Variants in OPHN1 observed in about 807,000 individuals in gnomAD.
OPHN1 encodes the protein oligophrenin 1.
A neutral mutation model predicts 60.7 loss-of-function variants in OPHN1; 11 were observed. The observed-to-expected ratio is 0.18, with a 90% CI of 0.11 to 0.30. The LOEUF is 0.30. OPHN1 is among the 10% of genes least tolerant of loss of function. OPHN1 has a pLI of 1.00. For missense variants in OPHN1, 449 were observed against 611.0 expected (o/e 0.73, Z 2.80); for synonymous variants, 226 against 222.6 (o/e 1.02, Z -0.14).
At chrX:68,331,985 G>C (rs1418402126) in intron 2 of OPHN1, among the ~76,000 whole-genome samples, 1 of 109,252 alleles carries the variant, frequency 9.2e-6, no homozygotes, top group Non-Finnish European at 1.9e-5. Context: ...GTGGTGAGCC[G>C]AGATCGCACC....
At chrX:68,210,043 T>C in intron 9 of OPHN1, 110 bp downstream of exon 9, 1 of 792,388 alleles carries the variant, frequency 1.3e-6, no homozygotes, top group Non-Finnish European at 1.9e-6. Context: ...AAGGGAATTT[T>C]AGCTATCAGG....
intron 5 of OPHN1, among the ~76,000 whole-genome samples, chrX:68,260,778 C>A (rs1417061060): frequency 1.8e-5 from 2 of 111,540 alleles, no homozygotes; most frequent in African/African-American, 6.5e-5. Flanking sequence ...CTCTGGTAGC[C>A]ATTGAAACCC....
intron 6 of OPHN1, among the ~76,000 whole-genome samples, chrX:68,216,119 T>C (rs976673293): frequency 9.0e-6 from 1 of 111,484 alleles, no homozygotes; most frequent in Admixed American, 9.6e-5. Flanking sequence ...TTGGAAATAG[T>C]CTGTTGATCC....
At chrX:68,340,769 C>A (rs774682598) in intron 2 of OPHN1, among the ~76,000 whole-genome samples, 1 of 111,071 alleles carries the variant, frequency 9.0e-6, no homozygotes, top group Non-Finnish European at 1.9e-5. Context: ...TTTGGGAGGC[C>A]AAGGTGGGTG....
chrX:68,124,860 C>T (rs755079309), intron 15 of OPHN1, among the ~76,000 whole-genome samples: 73 of 111,109 alleles, frequency 6.6e-4, no homozygotes, highest in African/African-American at 2.1e-3. Flanking sequence ...GTTACCCAGG[C>T]TGGTCTTGAA....
Position 68,307,266 on chromosome X carries a change from G to A in OPHN1, c.155-8170C>T, listed in dbSNP as rs766312318. Among the ~76,000 whole-genome samples, 4 of 106,014 alleles carry A rather than the reference G, an allele frequency of 3.8e-5. No homozygotes were observed. The East Asian group carries it at 8.8e-4, about 23-fold the overall frequency. 92.1% of individuals were successfully genotyped at this position (106,014 alleles called of 115,157 possible). ...AAGAGCAGCCTAGGCAACATTGTGA[G>A]ACCCTGTCTCTACCAAAAAAAAAAT... On this transcript the variant is annotated intron_variant, in intron 2 of 24. Transcript: ENST00000355520.
chrX:68,280,588 G>A (rs2078014983), intron 4 of OPHN1, among the ~76,000 whole-genome samples: 1 of 111,684 alleles, frequency 9.0e-6, no homozygotes, highest in Non-Finnish European at 1.9e-5. Context: ...GGAATAAATA[G>A]CTTTAACAAA....
At position 68,403,630 on chromosome X, in the gene OPHN1, C is replaced by T. The variant is rs188936900; in HGVS notation, c.154+29237G>A. On this transcript the variant is annotated intron_variant, in intron 2 of 24. Coordinates refer to ENST00000355520, the MANE Select transcript of OPHN1 (RefSeq NM_002547.3). ...TAAATCAAAGAGCAATTGTGCCTTT[C>T]GACTTTAAAAAATAAACGTCCCTAT... 4.9e-3 allele frequency among the ~76,000 whole-genome samples: 544 copies of T among 110,223 alleles called. 6 individuals carry two copies. Among genetic ancestry groups the T allele is most frequent in the African/African-American group, 0.017 (522 of 30,322 alleles).
chrX:68,248,723 A>T (rs1455591872), intron 5 of OPHN1, among the ~76,000 whole-genome samples: 1 of 112,407 alleles, frequency 8.9e-6, no homozygotes, highest in Non-Finnish European at 1.9e-5. Context: ...TGGATAAAGA[A>T]AATGTAGTAT....
chrX:68,283,016 AC>A, intron 4 of OPHN1, 39 bp downstream of exon 4: 1 of 1,072,170 alleles, frequency 9.3e-7, no homozygotes, highest in Non-Finnish European at 1.3e-6. Flanking sequence ...CCCCTATATC[AC>A]CCATGAACTC....
chrX:68,361,479 G>GA (rs780223688), intron 2 of OPHN1, among the ~76,000 whole-genome samples: 4 of 92,130 alleles, frequency 4.3e-5, no homozygotes, highest in Admixed American at 1.2e-4. Context: ...GACTCCATCT[G>GA]AAAAAAAAAA....
chrX:68,166,295 A>G (rs1240794551), intron 15 of OPHN1, among the ~76,000 whole-genome samples: 2 of 112,191 alleles, frequency 1.8e-5, no homozygotes, highest in Non-Finnish European at 3.8e-5. Flanking sequence ...GCACTTTGGG[A>G]GGCTGAGGCG....
rs2077205419 is a variant in OPHN1 at position 68,133,234 on chromosome X, G to A, written c.1277-13902C>T. On this transcript the variant is annotated intron_variant, in intron 15 of 24. Coordinates refer to ENST00000355520, the MANE Select transcript of OPHN1 (RefSeq NM_002547.3). ...CACCTAGCTCTCCAGGTTCCTCATGGATGAAGAAGGACCAGCCCACATTTA... is the reference window on the plus strand; with the variant it reads ...CACCTAGCTCTCCAGGTTCCTCATGAATGAAGAAGGACCAGCCCACATTTA... 15 of 687,606 alleles carry A rather than the reference G, an allele frequency of 2.2e-5. No homozygotes were observed. In the South Asian group the frequency reaches 3.3e-4, roughly 15 times the overall value. The allele number at this position is 687,606 out of a possible 1,213,427, so 56.7% of individuals were successfully genotyped here.
At chrX:68,130,303 C>A (rs942366257) in intron 15 of OPHN1, among the ~76,000 whole-genome samples, 1 of 111,412 alleles carries the variant, frequency 9.0e-6, no homozygotes, top group Non-Finnish European at 1.9e-5. Flanking sequence ...AGGATGGAGG[C>A]TACCCTAGTT....
intron 4 of OPHN1, among the ~76,000 whole-genome samples, chrX:68,279,757 G>A (rs184433554): frequency 1.4e-4 from 16 of 111,506 alleles, no homozygotes; most frequent in African/African-American, 4.9e-4. Flanking sequence ...GAATTAAGTG[G>A]GAAATAGGGA....
At chrX:68,396,118 T>A (rs2078681985) in intron 2 of OPHN1, among the ~76,000 whole-genome samples, 1 of 109,046 alleles carries the variant, frequency 9.2e-6, no homozygotes, top group African/African-American at 3.3e-5. Flanking sequence ...AAAGCAGGAC[T>A]TCCTTGTATA....
chrX:68,393,885 GTTTTTTTTT>G (rs1163192446), intron 2 of OPHN1, among the ~76,000 whole-genome samples: 2 of 34,600 alleles, frequency 5.8e-5, no homozygotes, highest in Non-Finnish European at 9.9e-5. Context: ...AATAGACTTT[GTTTTTTTTT>G]TTTTTTTTTT....
chrX:68,412,425 A>G (rs1031932635), intron 2 of OPHN1, among the ~76,000 whole-genome samples: 1 of 111,688 alleles, frequency 9.0e-6, no homozygotes, highest in Non-Finnish European at 1.9e-5. Flanking sequence ...ACTTCCATTT[A>G]TAGAGTAGTC....
intron 15 of OPHN1, among the ~76,000 whole-genome samples, chrX:68,156,276 G>T (rs2077308865): frequency 1.0e-5 from 1 of 97,577 alleles, no homozygotes; most frequent in African/African-American, 4.0e-5. Context: ...TCTTAGTTCT[G>T]ATGAATCAGA....
Sources: gnomAD v4.1 joint callset for allele counts (sites outside exome capture counted in the v4.1 genomes callset) on GRCh38, gnomAD v4.1.1 for gene constraint, MANE v1.5 for transcripts, NCBI Gene and HGNC (gene_info 2026-07-23, HGNC 2026-07-21) for gene names.